The following STN1 variants were observed in gnomAD, a reference collection of about 807,000 sequenced individuals.
STN1 encodes STN1 subunit of CST complex.
Under a neutral mutation model 45.5 loss-of-function variants are expected in STN1, and 29 were observed. The ratio of observed to expected loss-of-function variants is 0.64; its 90% CI spans 0.47 to 0.87. STN1 has a LOEUF of 0.87. STN1 is among the 40% of genes least tolerant of loss of function. The probability of loss-of-function intolerance (pLI) is 0.00; values close to 1 mark genes in which losing one functional copy is unlikely to be tolerated. For missense variants in STN1, 376 were observed against 441.4 expected (o/e 0.85, Z 1.33); for synonymous variants, 148 against 159.0 (o/e 0.93, Z 0.52).
chr10:103,888,834 T>C (rs540227904), intron 9 of STN1, among the ~76,000 whole-genome samples: 36 of 152,324 alleles, frequency 2.4e-4, no homozygotes, highest in African/African-American at 8.2e-4. Flanking sequence ...GGGCTCTGAA[T>C]GTTCAGAGGG....
rs1354833394 is a variant in STN1 at position 103,889,106 on chromosome 10, G to A, written c.915C>T (p.His305=). 6.2e-7 allele frequency: 1 copy of A among 1,613,596 alleles called. No homozygotes were observed. Among genetic ancestry groups the A allele is most frequent in the Non-Finnish European group, 8.5e-7 (1 of 1,179,630 alleles). ...TCTGGCAGTCCTGCTGAATGATCCG[G>A]TGGATCTTTCTGTGCAGGTCTTTGT... The part of the protein sequence containing the change: ...REDKDLHRKI[H]RIIQQDCQKP... The change falls in exon 9 of 10, where the codon CAC becomes CAT. Residue 305 remains histidine (H), a synonymous_variant. Coordinates refer to ENST00000224950, the MANE Select transcript of STN1 (RefSeq NM_024928.5).
chr10:103,881,717 C>T lies in STN1; in HGVS notation c.*967G>A, dbSNP rs1589494516. Reference sequence around the variant, plus strand: ...GAAATGACTGTAATTAACTCCAAATCTTTCTCCACACTTTATTTTTGCTGG... The same window carrying T: ...GAAATGACTGTAATTAACTCCAAATTTTTCTCCACACTTTATTTTTGCTGG... On this transcript the variant is annotated 3_prime_UTR_variant, in exon 10 of 10. Coordinates refer to ENST00000224950, the MANE Select transcript of STN1 (RefSeq NM_024928.5). Among the ~76,000 whole-genome samples the T allele has an allele frequency of 6.6e-6, 1 of 152,238 alleles. No individual in the cohort carries two copies. The highest frequency in any genetic ancestry group is 1.5e-5 in the Non-Finnish European group (1 of 68,044).
chr10:103,898,898 A>G lies in STN1; in HGVS notation c.560T>C (p.Leu187Pro), dbSNP rs768456160. The change falls in exon 6 of 10, where the codon CTA becomes CCA. Residue 187 changes from leucine (L) to proline (P), a missense_variant. Coordinates refer to ENST00000224950, the MANE Select transcript of STN1 (RefSeq NM_024928.5). ...VYDQPFHSSALEKEEALSNPG... is the reference protein window; with the variant it reads ...VYDQPFHSSAPEKEEALSNPG... ...TTACCTTAGTGCCTCTTCTTTCTCT[A>G]GGGCTGAGCTGTGAAAAGGCTGGTC... 1.2e-5 allele frequency: 20 copies of G among 1,613,790 alleles called. No homozygotes were observed. The highest frequency in any genetic ancestry group is 8.5e-7 in the Non-Finnish European group (1 of 1,179,958).
chr10:103,903,604 C>G (rs1168217095), intron 4 of STN1, among the ~76,000 whole-genome samples: 1 of 152,126 alleles, frequency 6.6e-6, no homozygotes, highest in Non-Finnish European at 1.5e-5. Flanking sequence ...GTTCTCCTCC[C>G]CTCTGGAGGA....
At chr10:103,914,374 A>ATATTTTTTT (rs1554837551) in intron 2 of STN1, among the ~76,000 whole-genome samples, 21 of 97,364 alleles carry the variant, frequency 2.2e-4, no homozygotes, top group African/African-American at 9.8e-4. Flanking sequence ...ATATATATAT[A>ATATTTTTTT]TTTTTTTTTT....
intron 4 of STN1, 130 bp downstream of exon 4, chr10:103,904,960 CT>C (rs1323428858): frequency 1.1e-5 from 9 of 808,472 alleles, no homozygotes; most frequent in Non-Finnish European, 1.7e-5. Flanking sequence ...GGGTATAGTG[CT>C]TCAGGTAGAT....
chr10:103,896,859 CT>C (rs1843174392), intron 7 of STN1, among the ~76,000 whole-genome samples: 1 of 151,906 alleles, frequency 6.6e-6, no homozygotes, highest in Non-Finnish European at 1.5e-5. Context: ...TCTTATTATG[CT>C]TAATATTTGA....
In STN1 at chr10:103,880,323, G is replaced by C. The variant is rs1843060082; in HGVS notation, c.*2361C>G. ...TACTGGAAAAGGCAACATTCGATTG[G>C]TTAAGGCGTTATTCAGAAAGAACAA... On this transcript the variant is annotated 3_prime_UTR_variant, in exon 10 of 10. Transcript: ENST00000224950. Among the ~76,000 whole-genome samples, 1 of 152,222 alleles carries C rather than the reference G, an allele frequency of 6.6e-6. No homozygotes were observed. Among genetic ancestry groups the C allele is most frequent in the Non-Finnish European group, 1.5e-5 (1 of 68,034 alleles).
chr10:103,907,374 T>C (rs1365744511), intron 3 of STN1, among the ~76,000 whole-genome samples: 1 of 152,254 alleles, frequency 6.6e-6, no homozygotes, highest in Non-Finnish European at 1.5e-5. Flanking sequence ...ATCCAATTTA[T>C]GTGCAACATT....
At chr10:103,886,619 A>AGAGGG (rs958654691) in intron 9 of STN1, among the ~76,000 whole-genome samples, 1 of 152,184 alleles carries the variant, frequency 6.6e-6, no homozygotes, top group African/African-American at 2.4e-5. Flanking sequence ...TAAACCAAGT[A>AGAGGG]GAGGGTGAGC....
intron 2 of STN1, among the ~76,000 whole-genome samples, chr10:103,912,388 T>C (rs1423969275): frequency 2.0e-5 from 3 of 152,174 alleles, no homozygotes; most frequent in Admixed American, 2.0e-4. Flanking sequence ...GTTCTCACAA[T>C]TGAAACTTAG....
chr10:103,887,937 C>G (rs1245318191), intron 9 of STN1, among the ~76,000 whole-genome samples: 1 of 152,198 alleles, frequency 6.6e-6, no homozygotes, highest in Admixed American at 6.5e-5. Flanking sequence ...CTTCTCATCC[C>G]TTCTTGGCTG....
At chr10:103,888,019 G>A (rs1193655607) in intron 9 of STN1, among the ~76,000 whole-genome samples, 2 of 152,182 alleles carry the variant, frequency 1.3e-5, no homozygotes, top group Non-Finnish European at 2.9e-5. Flanking sequence ...CTCAACTAAA[G>A]GATATTTGCT....
At chr10:103,911,089 T>TA (rs1554837343) in intron 2 of STN1, among the ~76,000 whole-genome samples, 62 of 150,302 alleles carry the variant, frequency 4.1e-4, no homozygotes, top group Non-Finnish European at 8.4e-4. Flanking sequence ...AGCATTTTTT[T>TA]TAAAAAAAAA....
At chr10:103,902,761 G>C (rs890973608) in intron 4 of STN1, among the ~76,000 whole-genome samples, 4 of 152,152 alleles carry the variant, frequency 2.6e-5, no homozygotes, top group Non-Finnish European at 5.9e-5. Flanking sequence ...CCTTCCAATG[G>C]AAAGCTTTTA....
chr10:103,900,760 T>TTC (rs71019700), intron 4 of STN1, among the ~76,000 whole-genome samples: 2 of 151,230 alleles, frequency 1.3e-5, no homozygotes, highest in African/African-American at 4.9e-5. Flanking sequence ...TTTCTCCACT[T>TTC]TCTCTCTCTC....
intron 3 of STN1, among the ~76,000 whole-genome samples, 173 bp downstream of exon 3, chr10:103,910,354 C>T (rs1194647568): frequency 2.0e-5 from 3 of 151,942 alleles, no homozygotes; most frequent in Non-Finnish European, 4.4e-5. Context: ...CCCGTTGCCT[C>T]ATTTTATTCT....
At chr10:103,910,725 A>G (rs749309455) in intron 2 of STN1, 103 bp from the exon 3 acceptor site, 3 of 615,540 alleles carry the variant, frequency 4.9e-6, no homozygotes, top group South Asian at 1.9e-5. Context: ...AAATCAATCC[A>G]TGCTGTTTGC....
Position 103,909,320 on chromosome 10 carries a change from T to C in STN1, c.229+1207A>G, listed in dbSNP as rs1187138743. On this transcript the variant is annotated intron_variant, in intron 3 of 9. Transcript: ENST00000224950. ...AATAAAGCAGAGAAGAGATTCAGTA[T>C]GGGAATTTCTGACAGGATGATCCTT... Among the ~76,000 whole-genome samples the C allele has an allele frequency of 2.8e-5, 4 of 142,572 alleles. No individual in the cohort carries two copies. In the East Asian group the frequency reaches 5.9e-4, roughly 21 times the overall value. 93.5% of individuals were successfully genotyped at this position (142,572 alleles called of 152,430 possible). A position where few individuals can be genotyped will look rare whatever the true frequency, so the allele number is the denominator to read the frequency against.
Sources: allele counts gnomAD v4.1 joint callset (sites outside exome capture counted in the v4.1 genomes callset), GRCh38; gene constraint gnomAD v4.1.1; transcripts MANE v1.5; gene names NCBI Gene and HGNC (gene_info 2026-07-23, HGNC 2026-07-21).